The following PPFIA2 variants were observed in gnomAD, a reference collection of about 807,000 sequenced individuals.
The protein encoded by PPFIA2 is PPFI scaffold protein A2.
A neutral mutation model predicts 175.5 loss-of-function variants in PPFIA2; 46 were observed. The ratio of observed to expected loss-of-function variants is 0.26; its 90% CI spans 0.21 to 0.34. The LOEUF is 0.34. Ranked by LOEUF, PPFIA2 falls within the 10% of genes least tolerant of loss-of-function variation. The probability of loss-of-function intolerance (pLI) is 1.00; values close to 1 mark genes in which losing one functional copy is unlikely to be tolerated. For missense variants in PPFIA2, 1,179 were observed against 1,506.1 expected (o/e 0.78, Z 3.60); for synonymous variants, 568 against 511.4 (o/e 1.11, Z -1.49).
chr12:81,560,778 T>C (rs2069883986), intron 4 of PPFIA2, among the ~76,000 whole-genome samples: 1 of 152,186 alleles, frequency 6.6e-6, no homozygotes, highest in South Asian at 2.1e-4. Context: ...TTCTCAGCTC[T>C]AGTACAGGTG....
intron 8 of PPFIA2, among the ~76,000 whole-genome samples, chr12:81,393,900 T>C (rs1455232349): frequency 6.6e-6 from 1 of 151,988 alleles, no homozygotes; most frequent in African/African-American, 2.4e-5. Flanking sequence ...TTGGTAGAGG[T>C]TGTCACTACT....
intron 3 of PPFIA2, among the ~76,000 whole-genome samples, chr12:81,691,058 A>G (rs1204273038): frequency 6.6e-6 from 1 of 152,126 alleles, no homozygotes; most frequent in Non-Finnish European, 1.5e-5. Flanking sequence ...TCCCAAAGGT[A>G]ACATAGCCAC....
intron 4 of PPFIA2, among the ~76,000 whole-genome samples, chr12:81,640,230 C>G (rs910578701): frequency 1.4e-4 from 21 of 152,028 alleles, no homozygotes; most frequent in African/African-American, 5.1e-4. Context: ...AAAATACTCC[C>G]TGAAGAGTTC....
chr12:81,738,455 T>A (rs2081917023), intron 3 of PPFIA2, among the ~76,000 whole-genome samples: 1 of 151,898 alleles, frequency 6.6e-6, no homozygotes, highest in South Asian at 2.1e-4. Context: ...ATGGTATACA[T>A]GTGAATAAAT....
chr12:81,680,223 A>G (rs1038591433), intron 3 of PPFIA2, among the ~76,000 whole-genome samples: 2 of 152,008 alleles, frequency 1.3e-5, no homozygotes, highest in South Asian at 2.1e-4. Context: ...TATTGAGGTC[A>G]TCATTTGTAT....
chr12:81,374,524 G>T (rs765636586), intron 11 of PPFIA2, 110 bp downstream of exon 11: 6 of 1,303,164 alleles, frequency 4.6e-6, no homozygotes, highest in African/African-American at 1.5e-5. Flanking sequence ...ATATAATAGA[G>T]ATTAAACTTA....
At chr12:81,607,239 T>G (rs1222083016) in intron 4 of PPFIA2, among the ~76,000 whole-genome samples, 1 of 152,188 alleles carries the variant, frequency 6.6e-6, no homozygotes, top group Non-Finnish European at 1.5e-5. Flanking sequence ...AGCAGTGTGA[T>G]GCCTCCAACT....
intron 4 of PPFIA2, among the ~76,000 whole-genome samples, chr12:81,524,747 GCC>G (rs2063547291): frequency 6.6e-6 from 1 of 152,174 alleles, no homozygotes; most frequent in African/African-American, 2.4e-5. Flanking sequence ...AGAAGGACAT[GCC>G]TTTTTGGGGG....
chr12:81,555,056 C>T (rs1001590900), intron 4 of PPFIA2, among the ~76,000 whole-genome samples: 6 of 151,916 alleles, frequency 3.9e-5, no homozygotes, highest in African/African-American at 1.2e-4. Flanking sequence ...AAAGAGAACA[C>T]CTCTAAATAC....
chr12:81,547,278 C>A (rs1403592033), intron 4 of PPFIA2, among the ~76,000 whole-genome samples: 1 of 152,138 alleles, frequency 6.6e-6, no homozygotes, highest in Non-Finnish European at 1.5e-5. Context: ...ATTCAGATAA[C>A]AAAAGTCGAG....
chr12:81,620,764 A>C (rs1335688624), intron 4 of PPFIA2, among the ~76,000 whole-genome samples: 6 of 152,216 alleles, frequency 3.9e-5, no homozygotes, highest in African/African-American at 1.4e-4. Context: ...GGTAATCAGA[A>C]TTGAGCTTGA....
chr12:81,685,062 A>G (rs1413939550), intron 3 of PPFIA2, among the ~76,000 whole-genome samples: 1 of 152,072 alleles, frequency 6.6e-6, no homozygotes, highest in Non-Finnish European at 1.5e-5. Flanking sequence ...TGTTAAACTA[A>G]AAATCAATAA....
intron 4 of PPFIA2, among the ~76,000 whole-genome samples, chr12:81,637,297 T>G (rs911208686): frequency 7.2e-6 from 1 of 138,218 alleles, no homozygotes; most frequent in Non-Finnish European, 1.5e-5. Context: ...AGAGATGGGG[T>G]TTCTCTATGT....
At chr12:81,480,232 T>C (rs931235990) in intron 4 of PPFIA2, among the ~76,000 whole-genome samples, 2 of 152,130 alleles carry the variant, frequency 1.3e-5, no homozygotes, top group African/African-American at 4.8e-5. Flanking sequence ...CTTCATGAAG[T>C]ACTCGTGTTG....
chr12:81,695,012 AT>A (rs1361397839), intron 3 of PPFIA2, among the ~76,000 whole-genome samples: 1 of 152,140 alleles, frequency 6.6e-6, no homozygotes, highest in Non-Finnish European at 1.5e-5. Flanking sequence ...TTATTGGAGT[AT>A]GTTTGCCTAA....
chr12:81,258,225 C>T lies in PPFIA2; in HGVS notation c.*1469G>A, dbSNP rs576145957. On this transcript the variant is annotated 3_prime_UTR_variant, in exon 33 of 33. Transcript: ENST00000549396. ...TTTCCTGATAGTTTAAGTAAATTGT[C>T]GAGCCTTATGTGACTAGAAAACAAA... 6 of 152,110 alleles carry T rather than the reference C, an allele frequency of 3.9e-5. No individual in the cohort carries two copies. The South Asian group carries it at 1.2e-3, about 32-fold the overall frequency. 9.4% of individuals were successfully genotyped at this position (152,110 alleles called of 1,614,324 possible).
At chr12:81,531,139 T>C (rs1274085850) in intron 4 of PPFIA2, among the ~76,000 whole-genome samples, 1 of 151,950 alleles carries the variant, frequency 6.6e-6, no homozygotes, top group East Asian at 1.9e-4. Context: ...TTGAATTACT[T>C]TGCAACCAGT....
intron 5 of PPFIA2, among the ~76,000 whole-genome samples, chr12:81,454,418 C>T (rs960238696): frequency 3.9e-5 from 6 of 152,044 alleles, no homozygotes; most frequent in Non-Finnish European, 1.5e-5. Context: ...GGACAAGTTA[C>T]TTACTACCTT....
chr12:81,631,222 G>A (rs2063346974), intron 4 of PPFIA2, among the ~76,000 whole-genome samples: 1 of 151,952 alleles, frequency 6.6e-6, no homozygotes, highest in African/African-American at 2.4e-5. Flanking sequence ...TTTTTAACCT[G>A]ATTCTTATTA....
Sources: gnomAD v4.1 joint callset for allele counts (sites outside exome capture counted in the v4.1 genomes callset) on GRCh38, gnomAD v4.1.1 for gene constraint, MANE v1.5 for transcripts, NCBI Gene and HGNC (gene_info 2026-07-23, HGNC 2026-07-21) for gene names.